Variants in KLF3 observed in about 807,000 individuals in gnomAD.
The protein encoded by KLF3 is Krueppel-like factor 3.
Under a neutral mutation model 32.7 loss-of-function variants are expected in KLF3, and 6 were observed. The ratio of observed to expected loss-of-function variants is 0.18; its 90% CI spans 0.10 to 0.36. KLF3 has a LOEUF of 0.36. KLF3 is among the 10% of genes least tolerant of loss of function. The pLI is 1.00. For synonymous variants in KLF3, 145 were observed against 172.8 expected, an observed-to-expected ratio of 0.84 and a Z score of 1.26; for missense variants, 338 against 449.7, an observed-to-expected ratio of 0.75 and a Z score of 2.25.
intron 1 of KLF3, among the ~76,000 whole-genome samples, chr4:38,673,931 CAG>C (rs1318958949): frequency 1.3e-5 from 2 of 151,998 alleles, no homozygotes; most frequent in Non-Finnish European, 2.9e-5. Context: ...GGCTTGTTAG[CAG>C]AGAGAGGAGA....
intron 4 of KLF3, among the ~76,000 whole-genome samples, chr4:38,693,119 T>TAC (rs576231518): frequency 2.3e-5 from 3 of 132,540 alleles, no homozygotes; most frequent in Non-Finnish European, 4.8e-5. Flanking sequence ...TATATATACA[T>TAC]ATATATATAC....
intron 1 of KLF3, among the ~76,000 whole-genome samples, chr4:38,678,711 C>T (rs1722426489): frequency 6.6e-6 from 1 of 152,130 alleles, no homozygotes; most frequent in African/African-American, 2.4e-5. Flanking sequence ...GGATTGCTAT[C>T]ATGGAGGTGG....
At position 38,671,744 on chromosome 4, in the gene KLF3, G is replaced by A. The variant is rs2109238505; in HGVS notation, c.-40+7283G>A. Among the ~76,000 whole-genome samples the A allele has an allele frequency of 6.6e-6, 1 of 152,280 alleles. No homozygotes were observed. The highest frequency in any genetic ancestry group is 2.1e-4 in the South Asian group (1 of 4,822). On this transcript the variant is annotated intron_variant, in intron 1 of 5. Coordinates refer to ENST00000261438, the MANE Select transcript of KLF3 (RefSeq NM_016531.6). This position sits in a 1 kb window ranked among gnomAD's most constrained non-coding sequence, Gnocchi z 4.4. ...GTGTTCTTTTCAGTAAAACGGGAAG[G>A]TAGTAACCACCTCATTGACATTAAA...
At chr4:38,689,209 T>A (rs1310594151) in intron 3 of KLF3, 138 bp downstream of exon 3, 1 of 1,063,952 alleles carries the variant, frequency 9.4e-7, no homozygotes, top group Non-Finnish European at 1.3e-6. Flanking sequence ...AGGCATTTCC[T>A]TCCCCCGCCC....
At position 38,688,508 on chromosome 4, in the gene KLF3, C is replaced by G. The variant is rs1722767472; in HGVS notation, c.58-77C>G. 40 of 1,387,112 alleles carry G rather than the reference C, an allele frequency of 2.9e-5. No individual in the cohort carries two copies. In the South Asian group the frequency reaches 4.9e-4, roughly 17 times the overall value. The allele number at this position is 1,387,112 out of a possible 1,614,324, so 85.9% of individuals were successfully genotyped here. On this transcript the variant is annotated intron_variant, in intron 2 of 5. Coordinates refer to ENST00000261438, the MANE Select transcript of KLF3 (RefSeq NM_016531.6). The surrounding 1 kb of genome is among the most constrained non-coding windows in gnomAD (Gnocchi z 4.9). ...ATGTAATTGTTAAGTGCCTTGTTAG[C>G]ATATTTTTCTTAATTCATGTTTCAA...
In KLF3 at chr4:38,688,617, G is replaced by A. The variant is rs1722769734; in HGVS notation, c.90G>A (p.Lys30=). 3 of 1,611,098 alleles carry A rather than the reference G, an allele frequency of 1.9e-6. No homozygotes were observed. The highest frequency in any genetic ancestry group is 1.1e-5 in the South Asian group (1 of 91,028). ...CATCTAATTACATGGAATCCATGAA[G>A]CCTAACAAGTATGGGGTCATCTACT... ...SYPSNYMESM[K]PNKYGVIYST... is the part of the protein sequence containing the mutation. Residue 30 remains lysine (K), a synonymous_variant, in exon 3 of 6, where the codon AAG becomes AAA. Transcript: ENST00000261438. The surrounding 1 kb of genome is among the most constrained non-coding windows in gnomAD (Gnocchi z 4.9).
At position 38,699,170 on chromosome 4, in the gene KLF3, C is replaced by CT. The variant is rs34529625; in HGVS notation, c.*1914dup. ...ATCTTGGCACTTGGGTTTGATTTTC[C>CT]TTTTTTTAAAGCACTGCAAAACTTC... On this transcript the variant is annotated 3_prime_UTR_variant, in exon 6 of 6. Coordinates refer to ENST00000261438, the MANE Select transcript of KLF3 (RefSeq NM_016531.6). The CT allele has an allele frequency of 1.3e-5, 2 of 152,084 alleles. No individual in the cohort carries two copies. The highest frequency in any genetic ancestry group is 4.8e-5 in the African/African-American group (2 of 41,404). 9.4% of individuals were successfully genotyped at this position (152,084 alleles called of 1,614,324 possible). A position where few individuals can be genotyped will look rare whatever the true frequency, so the allele number is the denominator to read the frequency against.
In KLF3 at chr4:38,700,801, A is replaced by G. The variant is rs969340520; in HGVS notation, c.*3538A>G. Reference sequence around the variant, plus strand: ...TAAGCTAATAAGACTGAATGGGTAAAGGTTTTTAGCATGCATTAGTATACT... The same window carrying G: ...TAAGCTAATAAGACTGAATGGGTAAGGGTTTTTAGCATGCATTAGTATACT... On this transcript the variant is annotated 3_prime_UTR_variant, in exon 6 of 6. Coordinates refer to ENST00000261438, the MANE Select transcript of KLF3 (RefSeq NM_016531.6). The G allele has an allele frequency of 1.3e-5, 2 of 152,204 alleles. No individual in the cohort carries two copies. The highest frequency in any genetic ancestry group is 2.9e-5 in the Non-Finnish European group (2 of 68,018). The allele number at this position is 152,204 out of a possible 1,614,324, so 9.4% of individuals were successfully genotyped here. A position where few individuals can be genotyped will look rare whatever the true frequency, so the allele number is the denominator to read the frequency against.
chr4:38,684,394 T>G (rs1722626457), intron 2 of KLF3, among the ~76,000 whole-genome samples: 1 of 152,178 alleles, frequency 6.6e-6, no homozygotes, highest in Admixed American at 6.5e-5. Flanking sequence ...CAGGCCCTCA[T>G]CACCTCACAG....
intron 2 of KLF3, among the ~76,000 whole-genome samples, chr4:38,686,202 T>G (rs890540601): frequency 6.6e-6 from 1 of 151,982 alleles, no homozygotes. Context: ...CCTAGAACTT[T>G]GGGAGGTTGA....
In KLF3 at chr4:38,688,986, C is replaced by T. The variant is rs1722791043; in HGVS notation, c.459C>T (p.Val153=). 5 of 1,614,226 alleles carry T rather than the reference C, an allele frequency of 3.1e-6. No individual in the cohort carries two copies. The East Asian group carries it at 8.9e-5, about 29-fold the overall frequency. Reference sequence around the variant, plus strand: ...TCCAGCCGGTGGTGGTGCAGCCCGTCCCCTTTATGTACACAAGTCACCTCC... The same window carrying T: ...TCCAGCCGGTGGTGGTGCAGCCCGTTCCCTTTATGTACACAAGTCACCTCC... ...PVIQPVVVQP[V]PFMYTSHLQQ... Residue 153 remains valine, a synonymous_variant, in exon 3 of 6, where the codon GTC becomes GTT. Transcript: ENST00000261438. The surrounding 1 kb of genome is among the most constrained non-coding windows in gnomAD (Gnocchi z 4.9).
chr4:38,664,476 C>T lies in KLF3; in HGVS notation c.-40+15C>T, dbSNP rs1170262998. ...CGCCTCGCAAAGTAAGTCCCGTCTC[C>T]CTCACCTCTGCTCCGCACCCTGGTC... On this transcript the variant is annotated intron_variant, in intron 1 of 5. Transcript: ENST00000261438. 6.6e-6 allele frequency: 1 copy of T among 152,294 alleles called. No homozygotes were observed. The highest frequency in any genetic ancestry group is 1.5e-5 in the Non-Finnish European group (1 of 68,122). 9.4% of individuals were successfully genotyped at this position (152,294 alleles called of 1,614,324 possible).
chr4:38,694,132 G>A (rs181699983), intron 4 of KLF3, among the ~76,000 whole-genome samples: 1 of 152,238 alleles, frequency 6.6e-6, no homozygotes, highest in African/African-American at 2.4e-5. Flanking sequence ...GTTGTTTTTT[G>A]GAAGAGCTGG....
chr4:38,670,853 A>G (rs749497492), intron 1 of KLF3, among the ~76,000 whole-genome samples: 3 of 152,242 alleles, frequency 2.0e-5, no homozygotes, highest in Non-Finnish European at 4.4e-5. Context: ...TCATTTATTC[A>G]TCTCACAAGT....
At position 38,698,577 on chromosome 4, in the gene KLF3, T is replaced by G. The variant is rs1723116485; in HGVS notation, c.*1314T>G. ...ATATAGAAAACCACAGATCAGGGATTCATATATGTAGCTCAAAAATTCCCA... is the reference window on the plus strand; with the variant it reads ...ATATAGAAAACCACAGATCAGGGATGCATATATGTAGCTCAAAAATTCCCA... On this transcript the variant is annotated 3_prime_UTR_variant, in exon 6 of 6. Coordinates refer to ENST00000261438, the MANE Select transcript of KLF3 (RefSeq NM_016531.6). The G allele has an allele frequency of 6.6e-6, 1 of 152,618 alleles. No homozygotes were observed. Among genetic ancestry groups the G allele is most frequent in the South Asian group, 2.1e-4 (1 of 4,832 alleles). The allele number at this position is 152,618 out of a possible 1,614,324, so 9.5% of individuals were successfully genotyped here.
At chr4:38,665,472 A>G (rs377765634) in intron 1 of KLF3, among the ~76,000 whole-genome samples, 81 of 152,356 alleles carry the variant, frequency 5.3e-4, no homozygotes, top group Non-Finnish European at 4.6e-4. Flanking sequence ...ATTTTATAGC[A>G]GTATACAATA....
Position 38,688,590 on chromosome 4 carries a change from C to T in KLF3, c.63C>T (p.Tyr21=). The part of the protein sequence containing the change: ...QEAMDPVSVS[Y]PSNYMESMKP... ...TTCCTTTTCTTTTCTAATAGTCATA[C>T]CCATCTAATTACATGGAATCCATGA... The change falls in exon 3 of 6, where the codon TAC becomes TAT. Residue 21 remains tyrosine, a synonymous_variant. Transcript: ENST00000261438. This position sits in a 1 kb window ranked among gnomAD's most constrained non-coding sequence, Gnocchi z 4.9. 6.3e-7 allele frequency: 1 copy of T among 1,597,100 alleles called. No individual in the cohort carries two copies. Among genetic ancestry groups the T allele is most frequent in the Non-Finnish European group, 8.6e-7 (1 of 1,166,994 alleles).
chr4:38,689,501 T>C (rs1722813109), intron 3 of KLF3, among the ~76,000 whole-genome samples: 1 of 152,208 alleles, frequency 6.6e-6, no homozygotes, highest in Non-Finnish European at 1.5e-5. Flanking sequence ...TAAGAACGAA[T>C]CATTTCAGGG....
rs397879531 is a variant in KLF3 at position 38,683,565 on chromosome 4, GT to G, written c.57+2895del. Among the ~76,000 whole-genome samples, 124 of 139,902 alleles carry G rather than the reference GT, an allele frequency of 8.9e-4. 1 individual carries two copies. The highest frequency in any genetic ancestry group is 3.3e-3 in the East Asian group (16 of 4,828). The allele number at this position is 139,902 out of a possible 152,430, so 91.8% of individuals were successfully genotyped here. A position where few individuals can be genotyped will look rare whatever the true frequency, so the allele number is the denominator to read the frequency against. On this transcript the variant is annotated intron_variant, in intron 2 of 5. Coordinates refer to ENST00000261438, the MANE Select transcript of KLF3 (RefSeq NM_016531.6). ...ATCACCAGCAGCTCCCCGAGCTTCT[GT>G]TTTTTTTTTTTGAAAAAATTATAAA...
Sources: gnomAD v4.1 joint callset for allele counts (sites outside exome capture counted in the v4.1 genomes callset) on GRCh38, gnomAD v4.1.1 for gene constraint, Gnocchi (gnomAD v3.1) non-coding constraint, MANE v1.5 for transcripts, NCBI Gene and HGNC (gene_info 2026-07-23, HGNC 2026-07-21) for gene names.